The following CFAP20DC variants were observed in gnomAD, a reference collection of about 807,000 sequenced individuals.
CFAP20DC encodes CFAP20 domain containing, also known as protein CFAP20DC.
In CFAP20DC, 84 loss-of-function variants were observed where a neutral mutation model predicts 101.7. The ratio of observed to expected loss-of-function variants is 0.83; its 90% confidence interval spans 0.69 to 0.99. CFAP20DC has a LOEUF of 0.99. Among genes scored for constraint, CFAP20DC ranks in the 50% least tolerant of loss-of-function variants. The pLI, the probability that CFAP20DC is intolerant of heterozygous loss-of-function variation, is 0.00. For synonymous variants in CFAP20DC, 359 were observed against 351.2 expected, an observed-to-expected ratio of 1.02 and a Z score of -0.25; for missense variants, 1,007 against 970.3, an observed-to-expected ratio of 1.04 and a Z score of -0.50.
At position 58,747,538 on chromosome 3, in the gene CFAP20DC, C is replaced by T. The variant is rs146077405; in HGVS notation, c.2333-4966G>A. ...GAATCAAGACATTGAACTGGATTTT[C>T]GATTTTCTGACACTGCCGTCTACAT... On this transcript the variant is annotated intron_variant, in intron 16 of 16. Coordinates refer to ENST00000482387, the MANE Select transcript of CFAP20DC (RefSeq NM_001394063.1). 2.3e-3 allele frequency among the ~76,000 whole-genome samples: 356 copies of T among 152,218 alleles called. 1 individual carries two copies. The Middle Eastern group carries it at 0.024, about 10-fold the overall frequency.
downstream of CFAP20DC, among the ~76,000 whole-genome samples, chr3:58,717,214 G>C (rs562130667): frequency 3.9e-5 from 6 of 152,238 alleles, no homozygotes; most frequent in Non-Finnish European, 4.4e-5. This position sits in a 1 kb window ranked among gnomAD's most constrained non-coding sequence, Gnocchi z 4.1. Flanking sequence ...AACAGGGCTG[G>C]AGGGTTGATA....
intron 16 of CFAP20DC, chr3:58,753,560 A>G: frequency 2.1e-6 from 1 of 475,424 alleles, no homozygotes. Context: ...ATTAACCTTT[A>G]GAAGAACAAG....
intron 14 of CFAP20DC, among the ~76,000 whole-genome samples, chr3:58,818,046 C>T (rs2075331865): frequency 2.0e-5 from 3 of 150,478 alleles, no homozygotes; most frequent in Non-Finnish European, 3.0e-5. Flanking sequence ...AACTAAGCTT[C>T]ATAAGTGAAG....
chr3:58,755,039 T>C (rs901396519), intron 15 of CFAP20DC, among the ~76,000 whole-genome samples: 1 of 152,198 alleles, frequency 6.6e-6, no homozygotes, highest in African/African-American at 2.4e-5. Context: ...AAATGGACTT[T>C]GTTGGAACTA....
chr3:58,925,964 T>C (rs1353176774), intron 5 of CFAP20DC, among the ~76,000 whole-genome samples: 1 of 152,338 alleles, frequency 6.6e-6, no homozygotes, highest in East Asian at 1.9e-4. Context: ...TATGCCTACT[T>C]AACCATTCAG....
At chr3:58,747,405 T>C (rs2068278591) in intron 16 of CFAP20DC, among the ~76,000 whole-genome samples, 1 of 152,172 alleles carries the variant, frequency 6.6e-6, no homozygotes, top group African/African-American at 2.4e-5. Context: ...TAATTATCTA[T>C]ATTTAATGCA....
chr3:58,978,384 G>A (rs2092371840), intron 4 of CFAP20DC, among the ~76,000 whole-genome samples: 1 of 152,132 alleles, frequency 6.6e-6, no homozygotes. Context: ...ATAGTTGACA[G>A]CTCCCTCAAA....
At chr3:58,896,633 A>G (rs1439729246) in intron 6 of CFAP20DC, among the ~76,000 whole-genome samples, 1 of 152,114 alleles carries the variant, frequency 6.6e-6, no homozygotes, top group Non-Finnish European at 1.5e-5. Context: ...CCTTAATCCC[A>G]TTATTTACCT....
chr3:58,832,345 G>C (rs1477981972), intron 13 of CFAP20DC, among the ~76,000 whole-genome samples: 1 of 152,100 alleles, frequency 6.6e-6, no homozygotes, highest in Non-Finnish European at 1.5e-5. Context: ...AGGTTTGCTG[G>C]GAGCTCTACA....
chr3:58,814,194 T>C (rs1290857334), intron 14 of CFAP20DC, among the ~76,000 whole-genome samples: 1 of 151,884 alleles, frequency 6.6e-6, no homozygotes, highest in Non-Finnish European at 1.5e-5. Flanking sequence ...AATTTTATAC[T>C]ATTAATTCTA....
Position 58,831,772 on chromosome 3 carries a change from G to A in CFAP20DC, c.2089C>T (p.Leu697=), listed in dbSNP as rs2108051449. The change falls in exon 14 of 17, where the codon CTG becomes TTG. Residue 697 remains leucine (L), a synonymous_variant. Transcript: ENST00000482387. Reference sequence around the variant, plus strand: ...CAGTTGTCCACCTGGGAGGCACTCAGGCCATGGGAGGTCCCAGCATCCTCC... The same window carrying A: ...CAGTTGTCCACCTGGGAGGCACTCAAGCCATGGGAGGTCCCAGCATCCTCC... The part of the protein sequence containing the change: ...ELEDAGTSHG[L]SASQVDNCNV... 6.2e-7 allele frequency: 1 copy of A among 1,614,086 alleles called. No individual in the cohort carries two copies. Among genetic ancestry groups the A allele is most frequent in the Non-Finnish European group, 8.5e-7 (1 of 1,179,978 alleles).
At chr3:58,809,045 G>A (rs1283483353) in intron 14 of CFAP20DC, among the ~76,000 whole-genome samples, 1 of 151,930 alleles carries the variant, frequency 6.6e-6, no homozygotes. Context: ...CCCAATACAG[G>A]AGCACCCAGA....
At chr3:58,956,114 C>A (rs766819997) in intron 4 of CFAP20DC, among the ~76,000 whole-genome samples, 2 of 151,188 alleles carry the variant, frequency 1.3e-5, no homozygotes, top group Non-Finnish European at 2.9e-5. Context: ...GTTGTAGTGG[C>A]TATGGGGTGA....
chr3:58,785,265 A>T (rs1416081628), intron 15 of CFAP20DC, among the ~76,000 whole-genome samples: 2 of 152,038 alleles, frequency 1.3e-5, no homozygotes, highest in African/African-American at 4.8e-5. Context: ...AATGATAGAT[A>T]CCGGAGGCTG....
intron 14 of CFAP20DC, among the ~76,000 whole-genome samples, chr3:58,806,760 C>T (rs541516983): frequency 9.2e-5 from 14 of 152,298 alleles, no homozygotes; most frequent in Admixed American, 2.0e-4. Flanking sequence ...CGAAGCAGGG[C>T]GAAGCATTGC....
In CFAP20DC at chr3:58,899,082, G is replaced by A. The variant is rs368899830; in HGVS notation, c.551-14373C>T. Among the ~76,000 whole-genome samples, 3 of 152,108 alleles carry A rather than the reference G, an allele frequency of 2.0e-5. No individual in the cohort carries two copies. Among genetic ancestry groups the A allele is most frequent in the East Asian group, 1.9e-4 (1 of 5,176 alleles). On this transcript the variant is annotated intron_variant, in intron 6 of 16. Coordinates refer to ENST00000482387, the MANE Select transcript of CFAP20DC (RefSeq NM_001394063.1). The surrounding 1 kb of genome is among the most constrained non-coding windows in gnomAD (Gnocchi z 5.0). The stretch of plus-strand genomic sequence containing the variant: ...TCCTCTGGAATCTCCATCCCAGGGG[G>A]GTACTGACCTGTTGCCAGCCTGAAC...
At chr3:59,024,424 T>C (rs949164807) in intron 4 of CFAP20DC, among the ~76,000 whole-genome samples, 2 of 152,150 alleles carry the variant, frequency 1.3e-5, no homozygotes, top group Admixed American at 6.6e-5. Flanking sequence ...GATCTCATGG[T>C]CTATTTGGAG....
At chr3:58,950,882 A>G (rs1470613814) in intron 4 of CFAP20DC, among the ~76,000 whole-genome samples, 4 of 152,224 alleles carry the variant, frequency 2.6e-5, no homozygotes, top group African/African-American at 9.6e-5. Flanking sequence ...CACCAAAAGC[A>G]ATGGCAACAA....
At chr3:58,836,689 G>A (rs1009146727) in intron 13 of CFAP20DC, among the ~76,000 whole-genome samples, 2 of 152,064 alleles carry the variant, frequency 1.3e-5, no homozygotes, top group African/African-American at 4.8e-5. Flanking sequence ...GTGCCTGATA[G>A]TCATGGCCCA....
Sources: allele counts gnomAD v4.1 joint callset (sites outside exome capture counted in the v4.1 genomes callset), GRCh38; gene constraint gnomAD v4.1.1; non-coding constraint Gnocchi (gnomAD v3.1); transcripts MANE v1.5; gene names NCBI Gene and HGNC (gene_info 2026-07-23, HGNC 2026-07-21).